The following GADL1 variants were observed in gnomAD, a reference collection of about 807,000 sequenced individuals.
The protein encoded by GADL1 is GAD like acidic amino acid decarboxylase 1.
A neutral mutation model predicts 69.5 loss-of-function variants in GADL1; 71 were observed. That is an observed-to-expected ratio of 1.02 (90% CI 0.84 to 1.25). The LOEUF is 1.25. Ranked by LOEUF, GADL1 falls within the 50% of genes most tolerant of loss-of-function variation. The pLI, the probability that GADL1 is intolerant of heterozygous loss-of-function variation, is 0.00. For missense variants in GADL1, 737 were observed against 631.8 expected (o/e 1.17, Z -1.79); for synonymous variants, 254 against 214.4 (o/e 1.18, Z -1.62).
intron 11 of GADL1, among the ~76,000 whole-genome samples, chr3:30,815,332 T>C (rs1398013151): frequency 6.6e-6 from 1 of 151,864 alleles, no homozygotes; most frequent in African/African-American, 2.4e-5. Flanking sequence ...CAGTTCTCTC[T>C]GGTCGGTTAG....
At chr3:30,774,346 ACC>A (rs1249874279) in intron 14 of GADL1, among the ~76,000 whole-genome samples, 3 of 152,120 alleles carry the variant, frequency 2.0e-5, no homozygotes, top group Non-Finnish European at 4.4e-5. Context: ...CAAGCGCAGA[ACC>A]TAACTGTTTA....
At chr3:30,842,821 T>TAAAAAAAAAAAAAAAAAAAAAAAAA (rs1559358436) in intron 8 of GADL1, among the ~76,000 whole-genome samples, 1 of 66,468 alleles carries the variant, frequency 1.5e-5, no homozygotes, top group Non-Finnish European at 2.7e-5. Context: ...ATTGGAATGT[T>TAAAAAAAAAAAAAAAAAAAAAAAAA]TAAAAAAAAA....
chr3:30,750,085 C>T (rs1695779280), intron 14 of GADL1, among the ~76,000 whole-genome samples: 1 of 152,116 alleles, frequency 6.6e-6, no homozygotes, highest in Admixed American at 6.6e-5. Flanking sequence ...AGTGACTCCT[C>T]CTCCTCTTTC....
At chr3:30,733,282 T>C (rs1042332740) in intron 14 of GADL1, among the ~76,000 whole-genome samples, 2 of 152,342 alleles carry the variant, frequency 1.3e-5, no homozygotes, top group East Asian at 3.9e-4. Context: ...AAATTTCTTA[T>C]TGCAGACTGG....
chr3:30,883,142 T>C (rs565499452), intron 1 of GADL1, among the ~76,000 whole-genome samples: 2 of 152,036 alleles, frequency 1.3e-5, no homozygotes, highest in Admixed American at 6.6e-5. Flanking sequence ...GCACAAAAGG[T>C]TTTACGTGTG....
chr3:30,779,729 ATC>A (rs1437333825), intron 13 of GADL1, among the ~76,000 whole-genome samples: 2 of 152,232 alleles, frequency 1.3e-5, no homozygotes, highest in Admixed American at 6.5e-5. Flanking sequence ...TATAGTAATT[ATC>A]TGTCACTAGA....
intron 14 of GADL1, among the ~76,000 whole-genome samples, chr3:30,763,622 C>CTCTT: frequency 2.6e-5 from 4 of 152,108 alleles, no homozygotes; most frequent in African/African-American, 9.7e-5. Context: ...TGATTTTGCC[C>CTCTT]AACTATAGTC....
intron 14 of GADL1, among the ~76,000 whole-genome samples, chr3:30,762,776 CTA>C (rs1292539002): frequency 6.6e-6 from 1 of 152,166 alleles, no homozygotes; most frequent in Non-Finnish European, 1.5e-5. Flanking sequence ...TCTCTGGTAA[CTA>C]TCTTTCTAGT....
At chr3:30,848,663 A>G (rs1346249196) in intron 6 of GADL1, among the ~76,000 whole-genome samples, 1 of 152,194 alleles carries the variant, frequency 6.6e-6, no homozygotes, top group African/African-American at 2.4e-5. Flanking sequence ...AGGAAAGGGA[A>G]AAAATCTCTT....
intron 1 of GADL1, among the ~76,000 whole-genome samples, chr3:30,862,263 G>A (rs374225886): frequency 2.6e-4 from 40 of 152,064 alleles, no homozygotes; most frequent in Middle Eastern, 3.4e-3. Flanking sequence ...AGAGACAGCC[G>A]TCACTCTACC....
rs528516275 is a variant in GADL1, at chr3:30,759,345, C to A, written c.1392+18834G>T. Reference sequence around the variant, plus strand: ...ATTTCTAAACAATAGCTAAGAGGAGCTCTTGCCCTTCTTTCTGTACCTCCA... The same window carrying A: ...ATTTCTAAACAATAGCTAAGAGGAGATCTTGCCCTTCTTTCTGTACCTCCA... On this transcript the variant is annotated intron_variant, in intron 14 of 14. Coordinates refer to ENST00000282538, the MANE Select transcript of GADL1 (RefSeq NM_207359.3). Among the ~76,000 whole-genome samples, 9 of 152,316 alleles carry A rather than the reference C, an allele frequency of 5.9e-5. No individual in the cohort carries two copies. In the East Asian group the frequency reaches 1.7e-3, roughly 29 times the overall value.
chr3:30,850,154 T>C (rs1698127790), intron 5 of GADL1, 43 bp from the exon 6 acceptor site: 1 of 1,063,182 alleles, frequency 9.4e-7, no homozygotes, highest in Admixed American at 1.7e-5. Flanking sequence ...AGCATGAAGT[T>C]ATAGCTCGCA....
chr3:30,838,537 C>CTG, intron 9 of GADL1, among the ~76,000 whole-genome samples: 1 of 151,926 alleles, frequency 6.6e-6, no homozygotes, highest in Non-Finnish European at 1.5e-5. Context: ...TTGCATTTTC[C>CTG]AGCTGTTTGG....
At chr3:30,872,922 G>A (rs954738964) in intron 1 of GADL1, among the ~76,000 whole-genome samples, 2 of 151,940 alleles carry the variant, frequency 1.3e-5, no homozygotes, top group South Asian at 4.1e-4. Context: ...GACCTTCAGA[G>A]TCTCTCATCT....
intron 12 of GADL1, among the ~76,000 whole-genome samples, chr3:30,792,982 C>T (rs745677121): frequency 6.6e-6 from 1 of 152,112 alleles, no homozygotes; most frequent in Non-Finnish European, 1.5e-5. Flanking sequence ...GTGAGCAAAT[C>T]AACAGTGTCT....
chr3:30,844,445 C>G lies in GADL1; in HGVS notation c.673G>C (p.Ala225Pro). The change falls in exon 7 of 15, where the codon GCA becomes CCA. Residue 225 changes from alanine to proline, a missense_variant. Coordinates refer to ENST00000282538, the MANE Select transcript of GADL1 (RefSeq NM_207359.3). ...GTGCCAATCCCAAGAAAAGAGGCTG[C>G]CTTCTTCATAGAGTAATGACACTGA... ...SAECHYSMKK[A>P]ASFLGIGTEN... The G allele has an allele frequency of 6.2e-7, 1 of 1,612,152 alleles. No homozygotes were observed. The highest frequency in any genetic ancestry group is 8.5e-7 in the Non-Finnish European group (1 of 1,178,250).
At chr3:30,805,614 A>G (rs1256404381) in intron 11 of GADL1, among the ~76,000 whole-genome samples, 1 of 151,968 alleles carries the variant, frequency 6.6e-6, no homozygotes, top group Non-Finnish European at 1.5e-5. Context: ...TATTCTCCTG[A>G]CCAAGATTAG....
intron 13 of GADL1, 139 bp from the exon 14 acceptor site, chr3:30,778,407 C>T (rs1696588092): frequency 1.6e-6 from 1 of 611,950 alleles, no homozygotes; most frequent in Non-Finnish European, 2.9e-6. Flanking sequence ...TATAGAGTAA[C>T]AATCCCTTCT....
intron 11 of GADL1, among the ~76,000 whole-genome samples, chr3:30,821,094 T>C (rs2125517579): frequency 6.6e-6 from 1 of 152,140 alleles, no homozygotes; most frequent in South Asian, 2.1e-4. Context: ...AAACACCACA[T>C]GTTCCCACTC....
Sources: allele counts gnomAD v4.1 joint callset (sites outside exome capture counted in the v4.1 genomes callset), GRCh38; gene constraint gnomAD v4.1.1; transcripts MANE v1.5; gene names NCBI Gene and HGNC (gene_info 2026-07-23, HGNC 2026-07-21).